PIWIL4: variants seen among roughly 807,000 people sequenced by gnomAD.
The protein encoded by PIWIL4 is piwi-like protein 4.
PIWIL4 carries 50 observed loss-of-function variants against 100.9 expected under a neutral mutation model. That is an observed-to-expected ratio of 0.50 (90% CI 0.39 to 0.63). PIWIL4 has a LOEUF of 0.63. Ranked by LOEUF, PIWIL4 falls within the 20% of genes least tolerant of loss-of-function variation. PIWIL4 has a pLI of 0.00. For synonymous variants in PIWIL4, 342 were observed against 367.5 expected (o/e 0.93, Z 0.79); for missense variants, 887 against 1,043.3 (o/e 0.85, Z 2.06).
chr11:94,574,734 G>T (rs1296335775), intron 2 of PIWIL4, among the ~76,000 whole-genome samples: 3 of 152,162 alleles, frequency 2.0e-5, no homozygotes, highest in Non-Finnish European at 4.4e-5. Flanking sequence ...CGCCCGCCAT[G>T]ACCTCCTAAA....
chr11:94,590,536 C>CA (rs1948469563), intron 8 of PIWIL4, among the ~76,000 whole-genome samples: 1 of 152,184 alleles, frequency 6.6e-6, no homozygotes, highest in African/African-American at 2.4e-5. Flanking sequence ...TCCCAAATTA[C>CA]ATATTCATCT....
chr11:94,593,686 C>A, intron 9 of PIWIL4, 45 bp downstream of exon 9: 1 of 1,596,942 alleles, frequency 6.3e-7, no homozygotes, highest in Non-Finnish European at 8.5e-7. Flanking sequence ...TGGATACAGG[C>A]CCCTGATGCT....
intron 8 of PIWIL4, among the ~76,000 whole-genome samples, chr11:94,592,020 T>C (rs1427093875): frequency 6.6e-6 from 1 of 152,178 alleles, no homozygotes; most frequent in Non-Finnish European, 1.5e-5. Context: ...TACCTGAGAC[T>C]ATCCGTACTC....
At chr11:94,614,340 T>C (rs1485637801) in intron 15 of PIWIL4, among the ~76,000 whole-genome samples, 1 of 145,772 alleles carries the variant, frequency 6.9e-6, no homozygotes, top group East Asian at 2.0e-4. Flanking sequence ...AGAGTTTCGC[T>C]CTTGTCACGC....
At chr11:94,577,613 A>G in intron 4 of PIWIL4, 121 bp downstream of exon 4, 3 of 841,900 alleles carry the variant, frequency 3.6e-6, no homozygotes, top group Non-Finnish European at 5.2e-6. Flanking sequence ...AAATAGAATT[A>G]AAAGGTAAGA....
At chr11:94,600,647 G>A (rs547800063) in intron 11 of PIWIL4, among the ~76,000 whole-genome samples, 378 of 152,234 alleles carry the variant, frequency 2.5e-3, no homozygotes, top group Middle Eastern at 6.8e-3. Context: ...GGTTTTGAGA[G>A]CAACCGGTCT....
chr11:94,577,461 T>C lies in PIWIL4; in HGVS notation c.482T>C (p.Ile161Thr). ...SNKAKAFDGA[I>T]LFLSQKLEEK... The stretch of plus-strand genomic sequence containing the variant: ...AAAGCAAAAGCATTCGACGGTGCCA[T>C]CCTTTTTCTGTCACAAAAGCTAGAA... Residue 161 changes from isoleucine to threonine, a missense_variant, in exon 4 of 20, where the codon ATC (isoleucine) becomes ACC (threonine). By Grantham distance (89) the Ile-to-Thr change is moderately conservative. This residue lies in a region of PIWIL4 where 741 missense variants were observed against 930.0 expected (regional missense o/e 0.80). Coordinates refer to ENST00000299001, the MANE Select transcript of PIWIL4 (RefSeq NM_152431.3). 6.2e-7 allele frequency: 1 copy of C among 1,613,562 alleles called. No homozygotes were observed. The highest frequency in any genetic ancestry group is 8.5e-7 in the Non-Finnish European group (1 of 1,179,712).
At position 94,620,151 on chromosome 11, in the gene PIWIL4, G is replaced by C. The variant is rs779289863; in HGVS notation, c.2442+7G>C. On this transcript the variant is annotated splice_region_variant and intron_variant, in intron 19 of 19. Coordinates refer to ENST00000299001, the MANE Select transcript of PIWIL4 (RefSeq NM_152431.3). ...CCTGTACTACAACTGGCCGGTGAGT[G>C]AAAGCTGTTTACTTAATGTAAATAT... The C allele has an allele frequency of 6.4e-7, 1 of 1,573,786 alleles. No homozygotes were observed. Among genetic ancestry groups the C allele is most frequent in the East Asian group, 2.2e-5 (1 of 44,552 alleles).
chr11:94,600,741 G>A (rs1257214862), intron 11 of PIWIL4, among the ~76,000 whole-genome samples: 1 of 152,030 alleles, frequency 6.6e-6, no homozygotes, highest in Non-Finnish European at 1.5e-5. Flanking sequence ...CACCTCTATA[G>A]TCTACAGACC....
intron 9 of PIWIL4, among the ~76,000 whole-genome samples, chr11:94,594,968 G>C (rs1948537783): frequency 1.3e-5 from 2 of 151,920 alleles, no homozygotes; most frequent in African/African-American, 4.8e-5. Flanking sequence ...GTGTGCTTTA[G>C]GTGTAAAACA....
chr11:94,579,945 C>G (rs1259989893), intron 4 of PIWIL4, among the ~76,000 whole-genome samples: 1 of 152,146 alleles, frequency 6.6e-6, no homozygotes, highest in Non-Finnish European at 1.5e-5. Flanking sequence ...TTATTAAATA[C>G]TACCCTTGAA....
At position 94,607,494 on chromosome 11, in the gene PIWIL4, A is replaced by T; in HGVS notation, c.1694A>T (p.Tyr565Phe). The change falls in exon 14 of 20, where the codon TAT (tyrosine) becomes TTT (phenylalanine). Residue 565 changes from tyrosine to phenylalanine, a missense_variant. By Grantham distance (22) the Tyr-to-Phe change is conservative. Coordinates refer to ENST00000299001, the MANE Select transcript of PIWIL4 (RefSeq NM_152431.3). ...QKTYYDSIKK[Y>F]LSSDCPVPSQ... ...ACCTATTATGATTCCATTAAAAAAT[A>T]TTTGAGCTCAGACTGCCCAGTCCCA... 2 of 1,614,060 alleles carry T rather than the reference A, an allele frequency of 1.2e-6. No homozygotes were observed. Among genetic ancestry groups the T allele is most frequent in the Non-Finnish European group, 8.5e-7 (1 of 1,179,982 alleles).
intron 2 of PIWIL4, among the ~76,000 whole-genome samples, chr11:94,571,285 CTTAT>C (rs1948149224): frequency 1.3e-5 from 2 of 151,466 alleles, no homozygotes; most frequent in South Asian, 4.2e-4. Flanking sequence ...ATTTTTTATT[CTTAT>C]TTATTTTTTA....
intron 10 of PIWIL4, among the ~76,000 whole-genome samples, chr11:94,597,005 C>G (rs1179992703): frequency 6.6e-6 from 1 of 152,202 alleles, no homozygotes; most frequent in South Asian, 2.1e-4. Flanking sequence ...TTACTGTGTG[C>G]TGAGTCCTAT....
chr11:94,613,335 T>C (rs1356561042), intron 15 of PIWIL4, among the ~76,000 whole-genome samples: 1 of 152,246 alleles, frequency 6.6e-6, no homozygotes, highest in African/African-American at 2.4e-5. Flanking sequence ...TGATAGCCTA[T>C]GAGGGTTCCT....
rs1948542377 is a variant in PIWIL4, at chr11:94,595,368, CG to C, written c.1211del (p.Arg404LeufsTer28). 1 of 1,613,904 alleles carries C rather than the reference CG, an allele frequency of 6.2e-7. No individual in the cohort carries two copies. The highest frequency in any genetic ancestry group is 1.3e-5 in the African/African-American group (1 of 74,948). On this transcript the variant is annotated frameshift_variant, in exon 10 of 20. Coordinates refer to ENST00000299001, the MANE Select transcript of PIWIL4 (RefSeq NM_152431.3). LOFTEE classifies it high-confidence loss of function. ...QLMKAVAEKT[R>X]LSPSGRQQRL... ...GATGAAGGCTGTGGCTGAAAAGACACGTCTCAGTCCTTCAGGCCGGCAGCAG... is the reference window on the plus strand; with the variant it reads ...GATGAAGGCTGTGGCTGAAAAGACACTCTCAGTCCTTCAGGCCGGCAGCAG...
chr11:94,587,462 C>T (rs1948417362), intron 7 of PIWIL4, among the ~76,000 whole-genome samples: 1 of 152,216 alleles, frequency 6.6e-6, no homozygotes, highest in South Asian at 2.1e-4. Context: ...TTGCGGTACC[C>T]TCCTTTCCCC....
At chr11:94,605,692 C>T (rs1375274167) in intron 13 of PIWIL4, among the ~76,000 whole-genome samples, 1 of 152,138 alleles carries the variant, frequency 6.6e-6, no homozygotes, top group Non-Finnish European at 1.5e-5. Flanking sequence ...TCCATCAGTC[C>T]TTCTACAGTT....
At chr11:94,583,693 T>C in intron 5 of PIWIL4, 124 bp downstream of exon 5, 1 of 1,297,690 alleles carries the variant, frequency 7.7e-7, no homozygotes, top group South Asian at 1.3e-5. Context: ...GTTAGGGCAA[T>C]TTCTCAAGCA....
Sources: allele counts gnomAD v4.1 joint callset (sites outside exome capture counted in the v4.1 genomes callset), GRCh38; gene constraint gnomAD v4.1.1; regional missense constraint gnomAD v4.1.1; transcripts MANE v1.5; gene names NCBI Gene and HGNC (gene_info 2026-07-23, HGNC 2026-07-21).